Variants in WARS2 observed in about 807,000 individuals in gnomAD.
The protein encoded by WARS2 is tryptophan--tRNA ligase, mitochondrial.
A neutral mutation model predicts 36.5 loss-of-function variants in WARS2; 28 were observed. That is an observed-to-expected ratio of 0.77 (90% CI 0.57 to 1.05). The LOEUF (loss-of-function observed/expected upper bound fraction) is 1.05. Ranked by LOEUF, WARS2 falls within the 50% of genes least tolerant of loss-of-function variation. WARS2 has a pLI of 0.00. For missense variants in WARS2, 435 were observed against 456.8 expected, an observed-to-expected ratio of 0.95 and a Z score of 0.44; for synonymous variants, 174 against 178.4, an observed-to-expected ratio of 0.98 and a Z score of 0.20.
At chr1:119,120,379 AT>A (rs1464857156) in intron 1 of WARS2, among the ~76,000 whole-genome samples, 3 of 152,086 alleles carry the variant, frequency 2.0e-5, no homozygotes, top group African/African-American at 7.2e-5. Context: ...TTAAAAAAAA[AT>A]AACAAGTAAT....
rs374597293 is a variant in WARS2 at position 119,076,433 on chromosome 1, G to A, written c.265C>T (p.Arg89Trp). The A allele has an allele frequency of 4.1e-5, 66 of 1,614,086 alleles. No homozygotes were observed. The African/African-American group carries it at 5.1e-4, about 12-fold the overall frequency. ...GCAGTCATGTCCAGGATGCTCTGCC[G>A]AAGGACAGCTGGGTCTTGGGGGACA... ...ITVPQDPAVLRQSILDMTAVL... is the reference protein window; with the variant it reads ...ITVPQDPAVLWQSILDMTAVL... Residue 89 changes from arginine (R) to tryptophan (W), a missense_variant, in exon 2 of 6, where the codon CGG becomes TGG. Physicochemically the swap from Arg to Trp is moderately radical, Grantham distance 101 (BLOSUM62 -3). Transcript: ENST00000235521.
In WARS2 at chr1:119,042,692, G is replaced by A. The variant is rs146038034; in HGVS notation, c.430-343C>T. Reference sequence around the variant, plus strand: ...GATTTCACAGACAAGGCCACAAACCGTCATGAAATTAAATCTCTACAAATT... The same window carrying A: ...GATTTCACAGACAAGGCCACAAACCATCATGAAATTAAATCTCTACAAATT... On this transcript the variant is annotated intron_variant, in intron 3 of 5. Transcript: ENST00000235521. Among the ~76,000 whole-genome samples the A allele has an allele frequency of 8.2e-4, 124 of 152,064 alleles. 2 individuals are homozygous for A. The East Asian group carries it at 0.023, about 28-fold the overall frequency.
intron 1 of WARS2, among the ~76,000 whole-genome samples, chr1:119,081,069 C>T (rs1652157006): frequency 6.6e-6 from 1 of 152,174 alleles, no homozygotes; most frequent in South Asian, 2.1e-4. Context: ...AGTACCAAAT[C>T]CCTGGGGAGC....
chr1:119,055,590 C>A (rs754068866), intron 2 of WARS2, among the ~76,000 whole-genome samples: 1 of 151,786 alleles, frequency 6.6e-6, no homozygotes, highest in Non-Finnish European at 1.5e-5. Context: ...TATAGTGAGT[C>A]GAGACCATGC....
intron 1 of WARS2, among the ~76,000 whole-genome samples, chr1:119,102,245 A>G (rs889496534): frequency 6.6e-6 from 1 of 152,206 alleles, no homozygotes; most frequent in Non-Finnish European, 1.5e-5. Context: ...TCCAGTTGTG[A>G]TTGTGCCAAG....
intron 2 of WARS2, among the ~76,000 whole-genome samples, chr1:119,072,270 T>G (rs1378549632): frequency 6.6e-6 from 1 of 152,186 alleles, no homozygotes; most frequent in East Asian, 1.9e-4. Context: ...TGTCTAATGT[T>G]CATTTCCAGG....
intron 1 of WARS2, among the ~76,000 whole-genome samples, chr1:119,132,452 C>T (rs780663410): frequency 4.6e-5 from 7 of 152,162 alleles, no homozygotes; most frequent in Non-Finnish European, 1.0e-4. Context: ...GGGACTCCAA[C>T]TTCGCACTGC....
intron 2 of WARS2, among the ~76,000 whole-genome samples, chr1:119,053,658 A>T (rs2101165902): frequency 6.6e-6 from 1 of 152,302 alleles, no homozygotes; most frequent in South Asian, 2.1e-4. Flanking sequence ...CCATCAAGGG[A>T]CCCAATCAGC....
intron 1 of WARS2, among the ~76,000 whole-genome samples, chr1:119,103,558 T>C (rs956336029): frequency 6.6e-6 from 1 of 152,090 alleles, no homozygotes; most frequent in African/African-American, 2.4e-5. Context: ...AAGGAGAATT[T>C]GTACTTTAAC....
chr1:119,128,307 G>A (rs1655826685), intron 1 of WARS2, among the ~76,000 whole-genome samples: 1 of 152,004 alleles, frequency 6.6e-6, no homozygotes, highest in South Asian at 2.1e-4. Flanking sequence ...AACTCCTCAG[G>A]TGATCCACTC....
intron 1 of WARS2, among the ~76,000 whole-genome samples, chr1:119,119,886 T>C (rs1655224843): frequency 6.6e-6 from 1 of 151,832 alleles, no homozygotes; most frequent in East Asian, 1.9e-4. Context: ...GCACAACCAA[T>C]CAAAACCTCT....
intron 2 of WARS2, among the ~76,000 whole-genome samples, chr1:119,054,319 G>A (rs907072610): frequency 2.0e-5 from 3 of 151,760 alleles, no homozygotes; most frequent in Non-Finnish European, 2.9e-5. Context: ...AATAATTAGG[G>A]AAATGCAAAT....
rs1557962938 is a variant in WARS2 at position 119,076,348 on chromosome 1, A to G, written c.348+2T>C. 1 of 1,614,092 alleles carries G rather than the reference A, an allele frequency of 6.2e-7. No individual in the cohort carries two copies. The highest frequency in any genetic ancestry group is 2.2e-5 in the East Asian group (1 of 44,878). On this transcript the variant is annotated splice_donor_variant, in intron 2 of 5. Transcript: ENST00000235521. LOFTEE classifies it high-confidence loss of function. Reference sequence around the variant, plus strand: ...TTCTCAGTTCTAATCTGAGAAGCTGACCTGAGATTGTTGGAAAAGGATGCT... The same window carrying G: ...TTCTCAGTTCTAATCTGAGAAGCTGGCCTGAGATTGTTGGAAAAGGATGCT...
chr1:119,135,639 T>G (rs1656427087), intron 1 of WARS2, among the ~76,000 whole-genome samples: 2 of 152,184 alleles, frequency 1.3e-5, no homozygotes, highest in Admixed American at 6.5e-5. Flanking sequence ...CCATGAGACT[T>G]TAGCACATAG....
At chr1:119,037,674 T>TAATA (rs1647993984) in intron 4 of WARS2, among the ~76,000 whole-genome samples, 1 of 152,216 alleles carries the variant, frequency 6.6e-6, no homozygotes, top group Non-Finnish European at 1.5e-5. Context: ...GGAGGAGAGA[T>TAATA]AATACCCAAT....
At chr1:119,084,959 CAT>C (rs1652512753) in intron 1 of WARS2, 2 of 426,828 alleles carry the variant, frequency 4.7e-6, no homozygotes, top group Non-Finnish European at 8.7e-6. Flanking sequence ...ATTTAAAAAA[CAT>C]AATTATTTCC....
chr1:119,125,572 G>A (rs183759209), intron 1 of WARS2, among the ~76,000 whole-genome samples: 4 of 152,294 alleles, frequency 2.6e-5, no homozygotes, highest in Admixed American at 2.0e-4. Flanking sequence ...AATTAGAGAT[G>A]AGGACAGAAT....
At chr1:119,131,577 C>G (rs975697700) in intron 1 of WARS2, among the ~76,000 whole-genome samples, 3 of 151,848 alleles carry the variant, frequency 2.0e-5, no homozygotes, top group African/African-American at 7.3e-5. Flanking sequence ...ATTCTCCTGC[C>G]TCAGCCTCCC....
chr1:119,093,500 AAGAAG>A (rs1460290568), intron 1 of WARS2, among the ~76,000 whole-genome samples: 3 of 151,342 alleles, frequency 2.0e-5, no homozygotes, highest in Non-Finnish European at 4.4e-5. Context: ...GTGTCCTTAA[AAGAAG>A]AGAAGACACA....
Sources: allele counts gnomAD v4.1 joint callset (sites outside exome capture counted in the v4.1 genomes callset), GRCh38; gene constraint gnomAD v4.1.1; transcripts MANE v1.5; gene names NCBI Gene and HGNC (gene_info 2026-07-23, HGNC 2026-07-21).